PTCSC3: variants seen among roughly 807,000 people sequenced by gnomAD.
PTCSC3 encodes papillary thyroid carcinoma susceptibility candidate 3, also known as papillary thyroid carcinoma susceptibility candidate 3 (non-protein coding).
intron 3 of PTCSC3, among the ~76,000 whole-genome samples, chr14:36,142,619 G>A (rs530372792): frequency 1.3e-5 from 2 of 151,020 alleles, no homozygotes; most frequent in South Asian, 4.2e-4. Flanking sequence ...CTGGTGCTTT[G>A]TGTTTTGGAA....
intron 3 of PTCSC3, among the ~76,000 whole-genome samples, chr14:36,142,176 A>G (rs771364076): frequency 1.3e-5 from 2 of 152,214 alleles, no homozygotes; most frequent in Non-Finnish European, 1.5e-5. Flanking sequence ...GATATTCCTT[A>G]TCAAGCTGAA....
At chr14:36,147,859 T>G (rs1040554420) in intron 3 of PTCSC3, among the ~76,000 whole-genome samples, 1 of 151,882 alleles carries the variant, frequency 6.6e-6, no homozygotes, top group African/African-American at 2.4e-5. Flanking sequence ...GTCCTTTCTG[T>G]TTGTTAGTTT....
intron 3 of PTCSC3, among the ~76,000 whole-genome samples, chr14:36,151,391 T>C (rs1373704513): frequency 6.6e-6 from 1 of 152,186 alleles, no homozygotes; most frequent in African/African-American, 2.4e-5. Flanking sequence ...TGGTATTCTC[T>C]GAGCTTTCTC....
At chr14:36,147,848 A>T (rs10146606) in intron 3 of PTCSC3, among the ~76,000 whole-genome samples, 4 of 151,096 alleles carry the variant, frequency 2.6e-5, no homozygotes, top group East Asian at 3.9e-4. Flanking sequence ...TTGGTGTGGA[A>T]GTCCTTTCTG....
chr14:36,156,284 G>A (rs1255639183), intron 2 of PTCSC3, among the ~76,000 whole-genome samples: 1 of 152,136 alleles, frequency 6.6e-6, no homozygotes, highest in Non-Finnish European at 1.5e-5. Context: ...ATGCACACAC[G>A]CTGATGTTTC....
intron 1 of PTCSC3, among the ~76,000 whole-genome samples, chr14:36,167,113 C>T (rs1264598729): frequency 6.6e-6 from 1 of 152,162 alleles, no homozygotes; most frequent in African/African-American, 2.4e-5. Context: ...AGAACAAGCA[C>T]ATTTGTAAAA....
chr14:36,173,642 C>T (rs1053217940), intron 1 of PTCSC3, among the ~76,000 whole-genome samples: 5 of 148,360 alleles, frequency 3.4e-5, no homozygotes, highest in African/African-American at 4.9e-5. Flanking sequence ...GTCCTGAAGA[C>T]GTTTGTCTAA....
intron 1 of PTCSC3, among the ~76,000 whole-genome samples, chr14:36,172,524 T>C (rs943226876): frequency 1.3e-5 from 2 of 152,186 alleles, no homozygotes; most frequent in Non-Finnish European, 2.9e-5. Context: ...TATAGAAATA[T>C]CTGAAGAGGT....
chr14:36,139,119 T>TA (rs370864635), intron 3 of PTCSC3, among the ~76,000 whole-genome samples: 10,979 of 106,598 alleles, frequency 0.1, 548 homozygotes, highest in Non-Finnish European at 0.14. Flanking sequence ...ATCTCAAAAA[T>TA]AAAAAAAAAA....
chr14:36,162,598 C>T (rs940908534), intron 2 of PTCSC3: 2 of 152,264 alleles, frequency 1.3e-5, no homozygotes, highest in Non-Finnish European at 2.9e-5. Context: ...CTGGGTACCT[C>T]AGTTGGAAAT....
intron 3 of PTCSC3, among the ~76,000 whole-genome samples, chr14:36,145,316 T>C (rs1881534842): frequency 6.6e-6 from 1 of 151,630 alleles, no homozygotes; most frequent in African/African-American, 2.4e-5. Flanking sequence ...GGTAAGATAT[T>C]GATTATTGCC....
chr14:36,142,961 C>T (rs1346049195), intron 3 of PTCSC3, among the ~76,000 whole-genome samples: 55 of 152,000 alleles, frequency 3.6e-4, no homozygotes, highest in Non-Finnish European at 6.3e-4. Context: ...TCCAATTTCA[C>T]CCATGTCCCT....
chr14:36,152,830 G>GTTGCA (rs1566506498), intron 3 of PTCSC3, among the ~76,000 whole-genome samples: 1 of 151,264 alleles, frequency 6.6e-6, no homozygotes, highest in African/African-American at 2.4e-5. Context: ...GGAGGTGGAG[G>GTTGCA]TTGCAGTGAG....
intron 2 of PTCSC3, among the ~76,000 whole-genome samples, chr14:36,157,293 A>G (rs1346374580): frequency 2.0e-5 from 3 of 152,150 alleles, no homozygotes; most frequent in Admixed American, 2.0e-4. Context: ...TAGATTCTGA[A>G]TATTAATCCT....
chr14:36,147,975 G>A (rs528228476), intron 3 of PTCSC3, among the ~76,000 whole-genome samples: 85 of 152,288 alleles, frequency 5.6e-4, no homozygotes, highest in Admixed American at 2.5e-3. Context: ...TAGACTGCTC[G>A]GGGGTCAGGG....
At chr14:36,174,119 G>A (rs1882239964) in intron 1 of PTCSC3, among the ~76,000 whole-genome samples, 1 of 151,904 alleles carries the variant, frequency 6.6e-6, no homozygotes, top group South Asian at 2.1e-4. Context: ...ATATGTGTAA[G>A]TCAGTGTTTC....
intron 3 of PTCSC3, among the ~76,000 whole-genome samples, chr14:36,151,544 G>A (rs1881723960): frequency 6.6e-6 from 1 of 151,946 alleles, no homozygotes; most frequent in Admixed American, 6.6e-5. Flanking sequence ...ACAGTTCTTG[G>A]ATGTTCTGGC....
intron 3 of PTCSC3, among the ~76,000 whole-genome samples, chr14:36,147,950 G>A (rs182451793): frequency 6.9e-4 from 105 of 152,216 alleles, no homozygotes; most frequent in Middle Eastern, 3.4e-3. Flanking sequence ...CCCTGCTCGG[G>A]GGGTGCCTCC....
chr14:36,137,023 A>G (rs1881303177), intron 3 of PTCSC3, among the ~76,000 whole-genome samples: 1 of 151,918 alleles, frequency 6.6e-6, no homozygotes, highest in Non-Finnish European at 1.5e-5. Context: ...AGTTACATGC[A>G]GTGTTTCTTT....
Sources: gnomAD v4.1 joint callset for allele counts (sites outside exome capture counted in the v4.1 genomes callset) on GRCh38, gnomAD v4.1.1 for gene constraint, MANE v1.5 for transcripts, NCBI Gene and HGNC (gene_info 2026-07-23, HGNC 2026-07-21) for gene names.